RIMS2: variants seen among roughly 807,000 people sequenced by gnomAD.
The protein encoded by RIMS2 is regulating synaptic membrane exocytosis protein 2.
Under a neutral mutation model 174.4 loss-of-function variants are expected in RIMS2, and 59 were observed. The observed-to-expected ratio is 0.34, with a 90% CI of 0.27 to 0.42. The LOEUF (loss-of-function observed/expected upper bound fraction) is 0.42, where lower values mean the gene tolerates loss of function less well. Among genes scored for constraint, RIMS2 ranks in the 10% least tolerant of loss-of-function variants. The pLI is 1.00. For missense variants in RIMS2, 1,620 were observed against 1,666.3 expected (o/e 0.97, Z 0.48); for synonymous variants, 606 against 572.5 (o/e 1.06, Z -0.84).
chr8:104,171,080 T>A (rs1045562155), intron 19 of RIMS2, among the ~76,000 whole-genome samples: 2 of 152,118 alleles, frequency 1.3e-5, no homozygotes, highest in African/African-American at 4.8e-5. Flanking sequence ...ATTATTTCCT[T>A]CATCTTAACT....
intron 1 of RIMS2, among the ~76,000 whole-genome samples, chr8:103,544,746 A>G (rs1400588997): frequency 6.6e-6 from 1 of 152,218 alleles, no homozygotes; most frequent in Non-Finnish European, 1.5e-5. Flanking sequence ...CACCCAAGAA[A>G]AGAAATACAG....
chr8:103,785,753 T>C (rs1487954079), intron 3 of RIMS2, among the ~76,000 whole-genome samples: 1 of 152,208 alleles, frequency 6.6e-6, no homozygotes, highest in Non-Finnish European at 1.5e-5. Flanking sequence ...TGTCTCTGCC[T>C]GGCTTTGGTA....
intron 1 of RIMS2, among the ~76,000 whole-genome samples, chr8:103,559,870 T>C (rs771135703): frequency 6.6e-6 from 1 of 152,216 alleles, no homozygotes; most frequent in Non-Finnish European, 1.5e-5. Context: ...GTGTATTATT[T>C]GTTTCAATTC....
At chr8:104,021,344 C>T (rs1244515918) in intron 19 of RIMS2, among the ~76,000 whole-genome samples, 2 of 152,132 alleles carry the variant, frequency 1.3e-5, no homozygotes, top group East Asian at 3.9e-4. Flanking sequence ...AGACAATAAA[C>T]ATTTAAATGA....
intron 3 of RIMS2, among the ~76,000 whole-genome samples, chr8:103,863,790 A>G (rs1156309346): frequency 4.1e-5 from 6 of 147,236 alleles, no homozygotes; most frequent in Non-Finnish European, 9.0e-5. Flanking sequence ...TGTCACCTTT[A>G]TTGTTTCTGA....
chr8:103,882,676 T>G (rs1475670306), intron 3 of RIMS2, among the ~76,000 whole-genome samples: 1 of 151,608 alleles, frequency 6.6e-6, no homozygotes, highest in African/African-American at 2.4e-5. Flanking sequence ...TAGAACAATG[T>G]GATTGCTGGA....
intron 3 of RIMS2, among the ~76,000 whole-genome samples, chr8:103,778,877 A>C (rs2098350961): frequency 6.6e-6 from 1 of 152,096 alleles, no homozygotes; most frequent in African/African-American, 2.4e-5. Flanking sequence ...CAAGTGTATG[A>C]GAGTTCTCCT....
intron 19 of RIMS2, among the ~76,000 whole-genome samples, chr8:104,192,552 A>G (rs1371277329): frequency 6.6e-6 from 1 of 152,210 alleles, no homozygotes; most frequent in Non-Finnish European, 1.5e-5. Context: ...TAGCTAATAT[A>G]GAAGTGGTTC....
chr8:103,737,625 C>A (rs1428744053), intron 2 of RIMS2, among the ~76,000 whole-genome samples: 1 of 152,166 alleles, frequency 6.6e-6, no homozygotes, highest in Non-Finnish European at 1.5e-5. Context: ...CCTATTGGGG[C>A]ACACAGGGAA....
intron 3 of RIMS2, among the ~76,000 whole-genome samples, chr8:103,790,157 G>T (rs1357038346): frequency 6.6e-6 from 1 of 152,164 alleles, no homozygotes; most frequent in East Asian, 1.9e-4. Flanking sequence ...CACCTAAGTG[G>T]TGTTTAGTTT....
rs2096888393 is a variant in RIMS2 at position 104,057,359 on chromosome 8, C to T, written c.3334+42744C>T. On this transcript the variant is annotated intron_variant, in intron 19 of 23. Coordinates refer to ENST00000504942, the Ensembl canonical transcript of RIMS2. ...CTGTGATTACAGGTGTGAGCCATCT[C>T]ACACGGCTATATCCTGATTTTTAAT... Among the ~76,000 whole-genome samples the T allele has an allele frequency of 2.6e-5, 4 of 152,060 alleles. No homozygotes were observed. The South Asian group carries it at 8.3e-4, about 32-fold the overall frequency.
chr8:103,691,389 T>G (rs564900217), intron 1 of RIMS2, among the ~76,000 whole-genome samples: 1 of 152,300 alleles, frequency 6.6e-6, no homozygotes, highest in Non-Finnish European at 1.5e-5. Context: ...TTTTTTCCTC[T>G]TCTGACTGTG....
chr8:103,903,788 C>T lies in RIMS2; in HGVS notation c.1625-6346C>T, dbSNP rs978091413. Among the ~76,000 whole-genome samples the T allele has an allele frequency of 8.8e-4, 134 of 152,158 alleles. 2 individuals carry two copies. The highest frequency in any genetic ancestry group is 8.6e-3 in the Admixed American group (132 of 15,278). Reference sequence around the variant, plus strand: ...ATACTCTAGCCTTTTCTTTGAACACCTGTTGTGATGGGGTGGTGACAGTCT... The same window carrying T: ...ATACTCTAGCCTTTTCTTTGAACACTTGTTGTGATGGGGTGGTGACAGTCT... On this transcript the variant is annotated intron_variant, in intron 4 of 23. Coordinates refer to ENST00000504942, the Ensembl canonical transcript of RIMS2.
At chr8:103,587,417 AAAGAAAG>A (rs1213308439) in intron 1 of RIMS2, among the ~76,000 whole-genome samples, 1 of 70,740 alleles carries the variant, frequency 1.4e-5, no homozygotes, top group Non-Finnish European at 3.6e-5. Flanking sequence ...AAGAAGAAAG[AAAGAAAG>A]AAAGAAAGAA....
intron 19 of RIMS2, among the ~76,000 whole-genome samples, chr8:104,211,044 C>G (rs1049283471): frequency 6.6e-6 from 1 of 152,100 alleles, no homozygotes; most frequent in Non-Finnish European, 1.5e-5. Context: ...TAAAATCATT[C>G]CAAACTAGAG....
At chr8:104,095,993 G>A (rs1448784964) in intron 19 of RIMS2, among the ~76,000 whole-genome samples, 1 of 151,946 alleles carries the variant, frequency 6.6e-6, no homozygotes, top group Non-Finnish European at 1.5e-5. Context: ...GAATCTTAAG[G>A]CATATTTTAT....
chr8:103,709,378 T>G lies in RIMS2; in HGVS notation c.387+12082T>G, dbSNP rs555575853. 9.9e-5 allele frequency among the ~76,000 whole-genome samples: 15 copies of G among 150,812 alleles called. No homozygotes were observed. The East Asian group carries it at 1.6e-3, about 16-fold the overall frequency. ...TTTTGTACTTTTTTCATGTGTGGTA[T>G]CTTAGGTTGGATGACAGGTGTTGTA... On this transcript the variant is annotated intron_variant, in intron 2 of 23. Transcript: ENST00000504942.
intron 1 of RIMS2, 149 bp downstream of exon 1, chr8:103,501,211 C>T (rs1819603817): frequency 4.2e-6 from 2 of 474,980 alleles, no homozygotes; most frequent in South Asian, 8.3e-5. Flanking sequence ...GCCGGCCGCC[C>T]GGGCTGTTTT....
At chr8:103,885,585 A>G (rs1164783364) in exon 4 of RIMS2, 1 of 1,612,960 alleles carries the variant, frequency 6.2e-7, no homozygotes, top group South Asian at 1.1e-5. Context: ...GAGGAAGAGT[A>G]CCAGTCACGC....
Sources: gnomAD v4.1 joint callset for allele counts (sites outside exome capture counted in the v4.1 genomes callset) on GRCh38, gnomAD v4.1.1 for gene constraint, MANE v1.5 for transcripts, NCBI Gene and HGNC (gene_info 2026-07-23, HGNC 2026-07-21) for gene names.